The following YWHAG variants were observed in gnomAD, a reference collection of about 807,000 sequenced individuals.
YWHAG encodes the protein tyrosine 3-monooxygenase/tryptophan 5-monooxygenase activation protein gamma.
A neutral mutation model predicts 23.3 loss-of-function variants in YWHAG; 1 was observed. The ratio of observed to expected loss-of-function variants is 0.04; its 90% CI spans 0.02 to 0.20. YWHAG has a LOEUF of 0.20. Ranked by LOEUF, YWHAG falls within the 10% of genes least tolerant of loss-of-function variation. The pLI is 1.00. For synonymous variants in YWHAG, 160 were observed against 144.0 expected (o/e 1.11, Z -0.80); for missense variants, 151 against 338.6 (o/e 0.45, Z 4.35).
At chr7:76,346,807 GAGACTC>G (rs1318236590) in intron 1 of YWHAG, among the ~76,000 whole-genome samples, 3 of 152,154 alleles carry the variant, frequency 2.0e-5, no homozygotes, top group Non-Finnish European at 2.9e-5. Context: ...TCAGCCTGAA[GAGACTC>G]ACCATGGCTT....
chr7:76,344,943 C>T (rs1197810773), intron 1 of YWHAG, among the ~76,000 whole-genome samples: 1 of 152,180 alleles, frequency 6.6e-6, no homozygotes, highest in Non-Finnish European at 1.5e-5. Flanking sequence ...CCAGCAACTC[C>T]ATTCTTTCTG....
intron 1 of YWHAG, among the ~76,000 whole-genome samples, chr7:76,339,883 G>A (rs1803665486): frequency 6.6e-6 from 1 of 152,156 alleles, no homozygotes; most frequent in Non-Finnish European, 1.5e-5. Flanking sequence ...GAGCTCAGGA[G>A]TTCGAGACCA....
intron 1 of YWHAG, among the ~76,000 whole-genome samples, chr7:76,342,299 AAAG>A (rs1215446949): frequency 1.3e-5 from 2 of 152,206 alleles, no homozygotes; most frequent in Admixed American, 6.5e-5. Flanking sequence ...GGAAAAAGTC[AAAG>A]AAGAAACACA....
Position 76,329,489 on chromosome 7 carries a change from T to TTCCCCCCC in YWHAG, c.*87_*88insGGGGGGGA. ...TCCCTGGGAAGGTCATCCCTCCCTTTCCCTCCCCCACCCGACCCCCAACTC... is the reference window on the plus strand; with the variant it reads ...TCCCTGGGAAGGTCATCCCTCCCTTTTCCCCCCCCCCTCCCCCACCCGACCCCCAACTC... On this transcript the variant is annotated 3_prime_UTR_variant, in exon 2 of 2. Transcript: ENST00000307630. The surrounding 1 kb of genome is among the most constrained non-coding windows in gnomAD (Gnocchi z 6.1). The TTCCCCCCC allele has an allele frequency of 9.8e-7, 1 of 1,024,228 alleles. No individual in the cohort carries two copies. The highest frequency in any genetic ancestry group is 1.4e-6 in the Non-Finnish European group (1 of 740,082). The allele number at this position is 1,024,228 out of a possible 1,614,324, so 63.4% of individuals were successfully genotyped here.
chr7:76,356,804 G>T (rs979629889), intron 1 of YWHAG, among the ~76,000 whole-genome samples: 14 of 152,204 alleles, frequency 9.2e-5, no homozygotes, highest in Non-Finnish European at 2.9e-5. Context: ...AGATTTGCAT[G>T]TCTAAGGGTA....
Sources: allele counts gnomAD v4.1 joint callset (sites outside exome capture counted in the v4.1 genomes callset), GRCh38; gene constraint gnomAD v4.1.1; non-coding constraint Gnocchi (gnomAD v3.1); transcripts MANE v1.5; gene names NCBI Gene and HGNC (gene_info 2026-07-23, HGNC 2026-07-21).